KIAA1586: variants seen among roughly 807,000 people sequenced by gnomAD.
The protein encoded by KIAA1586 is KIAA1586, also known as E3 SUMO-protein ligase KIAA1586.
A neutral mutation model predicts 6.1 loss-of-function variants in KIAA1586; 5 were observed. The ratio of observed to expected loss-of-function variants is 0.82; its 90% CI spans 0.43 to 1.73. The LOEUF is 1.73. Ranked by LOEUF, KIAA1586 falls within the 40% of genes most tolerant of loss-of-function variation. The pLI is 0.02. For missense variants in KIAA1586, 899 were observed against 878.2 expected, an observed-to-expected ratio of 1.02 and a Z score of -0.30; for synonymous variants, 280 against 301.7, an observed-to-expected ratio of 0.93 and a Z score of 0.75.
chr6:57,049,820 A>G (rs1346767840), intron 2 of KIAA1586, among the ~76,000 whole-genome samples: 1 of 152,154 alleles, frequency 6.6e-6, no homozygotes, highest in Non-Finnish European at 1.5e-5. Context: ...GATTTTGACT[A>G]GGGCATTTAT....
chr6:57,051,316 T>C lies in KIAA1586; in HGVS notation c.186+462T>C, dbSNP rs145994997. Among the ~76,000 whole-genome samples, 375 of 151,718 alleles carry C rather than the reference T, an allele frequency of 2.5e-3. 14 individuals are homozygous for C. The highest frequency in any genetic ancestry group is 8.8e-3 in the African/African-American group (361 of 41,056). ...ACATAACAGTTATTACAAATTAAAG[T>C]ATATAAATGCACAAGTACATAAATG... is the stretch of plus-strand genomic sequence containing the variant. On this transcript the variant is annotated intron_variant, in intron 3 of 3. Coordinates refer to ENST00000370733, the MANE Select transcript of KIAA1586 (RefSeq NM_020931.4).
chr6:57,061,367 G>A, the KIAA1586 span, among the ~76,000 whole-genome samples: 1 of 152,082 alleles, frequency 6.6e-6, no homozygotes, highest in Non-Finnish European at 1.5e-5. Context: ...GATAATAATT[G>A]CATCTTGAAC....
At chr6:57,058,758 T>A (rs1828529650), downstream of KIAA1586, among the ~76,000 whole-genome samples, 1 of 152,228 alleles carries the variant, frequency 6.6e-6, no homozygotes, top group Non-Finnish European at 1.5e-5. Context: ...GAAGTTTTCA[T>A]TGTATTTGAT....
Position 57,053,680 on chromosome 6 carries a change from C to G in KIAA1586, c.1181C>G (p.Thr394Arg). 5 of 1,611,558 alleles carry G rather than the reference C, an allele frequency of 3.1e-6. No homozygotes were observed. Among genetic ancestry groups the G allele is most frequent in the Non-Finnish European group, 3.4e-6 (4 of 1,178,106 alleles). ...GCATTTTGTTCTGATGGTGCTAATA[C>G]AATCCTGGGAAGAAAGTCTGGAGTA... ...LIAFCSDGAN[T>R]ILGRKSGVAT... is the part of the protein sequence containing the mutation. The change falls in exon 4 of 4, where the codon ACA (threonine) becomes AGA (arginine). Residue 394 changes from threonine to arginine, a missense_variant. By Grantham distance (71) the Thr-to-Arg change is moderately conservative. Coordinates refer to ENST00000370733, the MANE Select transcript of KIAA1586 (RefSeq NM_020931.4).
intron 2 of KIAA1586, among the ~76,000 whole-genome samples, chr6:57,048,337 G>A (rs974806001): frequency 6.6e-6 from 1 of 152,052 alleles, no homozygotes; most frequent in Admixed American, 6.6e-5. Context: ...GTAGGTTTAG[G>A]GCGACTTTGT....
At chr6:57,063,123 T>C in the KIAA1586 span, among the ~76,000 whole-genome samples, 1 of 152,198 alleles carries the variant, frequency 6.6e-6, no homozygotes, top group Non-Finnish European at 1.5e-5. Flanking sequence ...GGTTCCTTTT[T>C]TGGAAGGTAC....
chr6:57,052,152 G>C (rs1181103962), intron 3 of KIAA1586, among the ~76,000 whole-genome samples: 1 of 151,974 alleles, frequency 6.6e-6, no homozygotes, highest in Non-Finnish European at 1.5e-5. Flanking sequence ...ATATACTGTG[G>C]GTTCCACATC....
Position 57,046,719 on chromosome 6 carries a change from C to T in KIAA1586, c.-37C>T, listed in dbSNP as rs1368131568. ...GTGGCGGCTGCGGCAGTAGGGACAG[C>T]AGGAGCAGTGGTGCTGTCAGCGCGG... is the stretch of plus-strand genomic sequence containing the variant. On this transcript the variant is annotated 5_prime_UTR_variant, in exon 1 of 4. Transcript: ENST00000370733. The T allele has an allele frequency of 1.9e-6, 3 of 1,611,608 alleles. No individual in the cohort carries two copies.
chr6:57,052,106 A>G (rs1463707580), intron 3 of KIAA1586, among the ~76,000 whole-genome samples: 3 of 152,210 alleles, frequency 2.0e-5, no homozygotes, highest in African/African-American at 7.2e-5. Context: ...TGAAAATATT[A>G]TCCACCCTTC....
rs1828467889 is a variant in KIAA1586, at chr6:57,054,876, G to GT, written c.*19dup. 1.3e-6 allele frequency: 2 copies of GT among 1,522,714 alleles called. No homozygotes were observed. Among genetic ancestry groups the GT allele is most frequent in the Non-Finnish European group, 1.8e-6 (2 of 1,132,238 alleles). 94.3% of individuals were successfully genotyped at this position (1,522,714 alleles called of 1,614,324 possible). A position where few individuals can be genotyped will look rare whatever the true frequency, so the allele number is the denominator to read the frequency against. ...GAACTTAAAATAGAATATTGTATAC[G>GT]TTTTTTGTCATCTGTAAATTATGTA... is the stretch of plus-strand genomic sequence containing the variant. On this transcript the variant is annotated 3_prime_UTR_variant, in exon 4 of 4. Coordinates refer to ENST00000370733, the MANE Select transcript of KIAA1586 (RefSeq NM_020931.4).
chr6:57,054,398 G>T lies in KIAA1586; in HGVS notation c.1899G>T (p.Leu633Phe), dbSNP rs1449438205. 9.9e-6 allele frequency: 16 copies of T among 1,609,954 alleles called. No homozygotes were observed. Among genetic ancestry groups the T allele is most frequent in the African/African-American group, 1.3e-5 (1 of 74,632 alleles). Residue 633 changes from leucine to phenylalanine, a missense_variant, in exon 4 of 4, where the codon TTG (leucine) becomes TTT (phenylalanine). Transcript: ENST00000370733. Reference sequence around the variant, plus strand: ...AAGATATTTTTAATTACTTTGATTTGCTGGAACCTTCCACATGGCCTTATG... The same window carrying T: ...AAGATATTTTTAATTACTTTGATTTTCTGGAACCTTCCACATGGCCTTATG... ...NHEDIFNYFD[L>F]LEPSTWPYEE...
chr6:57,053,709 A>G lies in KIAA1586; in HGVS notation c.1210A>G (p.Thr404Ala), dbSNP rs1828408988. The change falls in exon 4 of 4, where the codon ACA becomes GCA. Residue 404 changes from threonine (T) to alanine (A), a missense_variant. Physicochemically the swap from Thr to Ala is moderately conservative, Grantham distance 58. Transcript: ENST00000370733. Reference protein sequence around the residue: ...TILGRKSGVATKLLENFPEII... With the variant: ...TILGRKSGVAAKLLENFPEII... ...CCTGGGAAGAAAGTCTGGAGTAGCTACAAAATTGTTAGAAAATTTTCCTGA... is the reference window on the plus strand; with the variant it reads ...CCTGGGAAGAAAGTCTGGAGTAGCTGCAAAATTGTTAGAAAATTTTCCTGA... The G allele has an allele frequency of 2.0e-5, 33 of 1,610,920 alleles. No individual in the cohort carries two copies. Among genetic ancestry groups the G allele is most frequent in the Non-Finnish European group, 2.6e-5 (31 of 1,177,732 alleles).
downstream of KIAA1586, among the ~76,000 whole-genome samples, chr6:57,057,132 G>A (rs916263850): frequency 6.6e-6 from 1 of 151,718 alleles, no homozygotes; most frequent in African/African-American, 2.4e-5. Flanking sequence ...GGAGGCTAGG[G>A]CAGGAGAATC....
chr6:57,054,577 C>G lies in KIAA1586; in HGVS notation c.2078C>G (p.Ala693Gly). ...NVSIPTTIYK[A>G]KKIVSTIAIN... is the part of the protein sequence containing the mutation. Reference sequence around the variant, plus strand: ...TCAATTCCTACAACTATATACAAAGCTAAAAAGATAGTTAGCACCATTGCA... The same window carrying G: ...TCAATTCCTACAACTATATACAAAGGTAAAAAGATAGTTAGCACCATTGCA... Residue 693 changes from alanine to glycine, a missense_variant, in exon 4 of 4, where the codon GCT becomes GGT. Physicochemically the swap from Ala to Gly is moderately conservative, Grantham distance 60. Coordinates refer to ENST00000370733, the MANE Select transcript of KIAA1586 (RefSeq NM_020931.4). The G allele has an allele frequency of 6.2e-7, 1 of 1,608,196 alleles. No individual in the cohort carries two copies. The highest frequency in any genetic ancestry group is 8.5e-7 in the Non-Finnish European group (1 of 1,176,392).
rs1184497258 is a variant in KIAA1586 at position 57,053,678 on chromosome 6, T to C, written c.1179T>C (p.Asn393=). The C allele has an allele frequency of 6.2e-7, 1 of 1,611,970 alleles. No individual in the cohort carries two copies. Among genetic ancestry groups the C allele is most frequent in the Non-Finnish European group, 8.5e-7 (1 of 1,178,490 alleles). ...TTGCATTTTGTTCTGATGGTGCTAA[T>C]ACAATCCTGGGAAGAAAGTCTGGAG... The part of the protein sequence containing the change: ...NLIAFCSDGA[N]TILGRKSGVA... The change falls in exon 4 of 4, where the codon AAT becomes AAC. Residue 393 remains asparagine, a synonymous_variant. Transcript: ENST00000370733.
In KIAA1586 at chr6:57,054,004, T is replaced by C. The variant is rs781009106; in HGVS notation, c.1505T>C (p.Leu502Ser). 6.2e-7 allele frequency: 1 copy of C among 1,608,196 alleles called. No individual in the cohort carries two copies. Among genetic ancestry groups the C allele is most frequent in the Non-Finnish European group, 8.5e-7 (1 of 1,177,516 alleles). The change falls in exon 4 of 4, where the codon TTA (leucine) becomes TCA (serine). Residue 502 changes from leucine (L) to serine (S), a missense_variant. By Grantham distance (145) the Leu-to-Ser change is moderately radical. Coordinates refer to ENST00000370733, the MANE Select transcript of KIAA1586 (RefSeq NM_020931.4). ...ATAVWHAYPILYMHFSHSYSG... is the reference protein window; with the variant it reads ...ATAVWHAYPISYMHFSHSYSG... ...GCTGTATGGCATGCATATCCTATAT[T>C]ATATATGCATTTTTCTCATTCTTAC...
chr6:57,055,680 TC>T (rs993142639), downstream of KIAA1586, among the ~76,000 whole-genome samples: 1 of 152,198 alleles, frequency 6.6e-6, no homozygotes, highest in African/African-American at 2.4e-5. Context: ...AAATTATTTT[TC>T]TAGTTTACAC....
rs377023414 is a variant in KIAA1586, at chr6:57,054,228, C to G, written c.1729C>G (p.Gln577Glu). 32 of 1,593,552 alleles carry G rather than the reference C, an allele frequency of 2.0e-5. No individual in the cohort carries two copies. The highest frequency in any genetic ancestry group is 2.6e-5 in the Non-Finnish European group (30 of 1,173,252). The change falls in exon 4 of 4, where the codon CAA (glutamine) becomes GAA (glutamate). Residue 577 changes from glutamine (Q) to glutamate (E), a missense_variant. Gln to Glu is a conservative substitution (Grantham distance 29). Coordinates refer to ENST00000370733, the MANE Select transcript of KIAA1586 (RefSeq NM_020931.4). Reference protein sequence around the residue: ...LKIGTGKYESQIEDLIKSDKF... With the variant: ...LKIGTGKYESEIEDLIKSDKF... ...AATTGGTACTGGAAAGTATGAATCT[C>G]AAATTGAAGATTTGATCAAGTCAGA... is the stretch of plus-strand genomic sequence containing the variant.
At chr6:57,062,432 T>C in the KIAA1586 span, among the ~76,000 whole-genome samples, 2 of 152,200 alleles carry the variant, frequency 1.3e-5, no homozygotes, top group Non-Finnish European at 2.9e-5. Flanking sequence ...TTTTTAGGAT[T>C]ATTATCACGT....
Sources: gnomAD v4.1 joint callset for allele counts (sites outside exome capture counted in the v4.1 genomes callset) on GRCh38, gnomAD v4.1.1 for gene constraint, MANE v1.5 for transcripts, NCBI Gene and HGNC (gene_info 2026-07-23, HGNC 2026-07-21) for gene names.